CIP2A: variants seen among roughly 807,000 people sequenced by gnomAD.
The protein encoded by CIP2A is protein CIP2A.
CIP2A carries 103 observed loss-of-function variants against 110.9 expected under a neutral mutation model. That is an observed-to-expected ratio of 0.93 (90% CI 0.79 to 1.09). The LOEUF (loss-of-function observed/expected upper bound fraction) is 1.09. Among genes scored for constraint, CIP2A ranks in the 50% least tolerant of loss-of-function variants. CIP2A has a pLI of 0.00. For synonymous variants in CIP2A, 381 were observed against 361.6 expected, an observed-to-expected ratio of 1.05 and a Z score of -0.61; for missense variants, 1,088 against 1,038.4, an observed-to-expected ratio of 1.05 and a Z score of -0.66.
intron 8 of CIP2A, among the ~76,000 whole-genome samples, chr3:108,571,219 A>G (rs1445372954): frequency 3.3e-5 from 5 of 152,168 alleles, no homozygotes; most frequent in Non-Finnish European, 7.4e-5. Flanking sequence ...TATAAGTAGA[A>G]GTACACTCTA....
rs2083891465 is a variant in CIP2A, at chr3:108,551,133, C to T, written c.*16G>A. The T allele has an allele frequency of 8.1e-7, 1 of 1,238,728 alleles. No individual in the cohort carries two copies. Among genetic ancestry groups the T allele is most frequent in the Admixed American group, 2.3e-5 (1 of 42,912 alleles). 76.7% of individuals were successfully genotyped at this position (1,238,728 alleles called of 1,614,324 possible). A position where few individuals can be genotyped will look rare whatever the true frequency, so the allele number is the denominator to read the frequency against. ...AAAAATATCATGAGATTACAAATTCCAAAATGCCATAATGTCTATATACTG... is the reference window on the plus strand; with the variant it reads ...AAAAATATCATGAGATTACAAATTCTAAAATGCCATAATGTCTATATACTG... On this transcript the variant is annotated 3_prime_UTR_variant, in exon 21 of 21. Transcript: ENST00000295746.
rs2083875224 is a variant in CIP2A at position 108,549,972 on chromosome 3, T to C, written c.*1177A>G. ...CAAAAGAGAAACAGAATGTATCTCC[T>C]CTATAGAACAAATAGTAATTTAAAA... On this transcript the variant is annotated 3_prime_UTR_variant, in exon 21 of 21. Transcript: ENST00000295746. 2 of 152,024 alleles carry C rather than the reference T, an allele frequency of 1.3e-5. No homozygotes were observed. The highest frequency in any genetic ancestry group is 1.3e-4 in the Admixed American group (2 of 15,236). The allele number at this position is 152,024 out of a possible 1,614,324, so 9.4% of individuals were successfully genotyped here.
rs1421666177 is a variant in CIP2A at position 108,552,229 on chromosome 3, C to G, written c.2547+5G>C. ...CTGCAAATGAGAAATGGAACAGATT[C>G]TTACCTTAATGCTCAACTCTTTTCT... On this transcript the variant is annotated splice_donor_5th_base_variant and intron_variant, in intron 20 of 20. Coordinates refer to ENST00000295746, the MANE Select transcript of CIP2A (RefSeq NM_020890.3). 1.3e-6 allele frequency: 2 copies of G among 1,553,218 alleles called. No individual in the cohort carries two copies. The highest frequency in any genetic ancestry group is 1.4e-5 in the African/African-American group (1 of 70,758).
chr3:108,576,385 T>C (rs758073255), intron 7 of CIP2A, 39 bp from the exon 8 acceptor site: 42 of 1,032,720 alleles, frequency 4.1e-5, no homozygotes, highest in Non-Finnish European at 5.8e-5. Context: ...ATGATAAATA[T>C]AAAATTGATA....
rs773511777 is a variant in CIP2A, at chr3:108,576,345, A to G, written c.820T>C (p.Tyr274His). The G allele has an allele frequency of 2.7e-6, 4 of 1,504,842 alleles. No individual in the cohort carries two copies. The African/African-American group carries it at 5.7e-5, about 21-fold the overall frequency. The allele number at this position is 1,504,842 out of a possible 1,614,324, so 93.2% of individuals were successfully genotyped here. ...NPKIADYLTRYEHFSSCLHQV... is the reference protein window; with the variant it reads ...NPKIADYLTRHEHFSSCLHQV... ...TGAAGACATGAAGAAAAGTGCTCAT[A>G]TCTAGGTTTAGAATAAAAATATACA... Residue 274 changes from tyrosine to histidine, a missense_variant and splice_region_variant, in exon 8 of 21, where the codon TAT (tyrosine) becomes CAT (histidine). Tyr to His is a moderately conservative substitution (Grantham distance 83). Transcript: ENST00000295746.
Position 108,582,122 on chromosome 3 carries a change from G to A in CIP2A, c.438C>T (p.Phe146=), listed in dbSNP as rs775296412. The A allele has an allele frequency of 3.5e-6, 5 of 1,443,942 alleles. No homozygotes were observed. The Admixed American group carries it at 5.5e-5, about 16-fold the overall frequency. 89.4% of individuals were successfully genotyped at this position (1,443,942 alleles called of 1,614,324 possible). A position where few individuals can be genotyped will look rare whatever the true frequency, so the allele number is the denominator to read the frequency against. ...TGCATACTCACATGTGATCTATCAG[G>A]AACGTAATTAATTCATCTATATTGG... ...SGANIDELIT[F]LIDHIQSSED... is the part of the protein sequence containing the mutation. Residue 146 remains phenylalanine (F), a synonymous_variant, in exon 4 of 21, where the codon TTC becomes TTT. Coordinates refer to ENST00000295746, the MANE Select transcript of CIP2A (RefSeq NM_020890.3).
At chr3:108,569,183 C>T (rs9861364) in intron 9 of CIP2A, among the ~76,000 whole-genome samples, 1,028 of 6,998 alleles carry the variant, frequency 0.15, 6 homozygotes, top group Middle Eastern at 0.29. Context: ...TATATATATA[C>T]ATACACACTA....
rs746629149 is a variant in CIP2A, at chr3:108,589,425, G to A, written c.-50C>T. On this transcript the variant is annotated 5_prime_UTR_variant, in exon 1 of 21. Transcript: ENST00000295746. ...GGACCACCACCGCCCAGCGTGCGCC[G>A]GCCTTTAGCTTTCGCCGCGCTTTTT... The A allele has an allele frequency of 2.4e-5, 33 of 1,364,282 alleles. No individual in the cohort carries two copies. The highest frequency in any genetic ancestry group is 9.9e-5 in the South Asian group (8 of 80,656). 84.5% of individuals were successfully genotyped at this position (1,364,282 alleles called of 1,614,324 possible).
At chr3:108,576,069 G>T (rs1938638563) in intron 8 of CIP2A, among the ~76,000 whole-genome samples, 1 of 151,812 alleles carries the variant, frequency 6.6e-6, no homozygotes, top group Non-Finnish European at 1.5e-5. Flanking sequence ...GGTAGGTACT[G>T]ACTAAAAGGG....
intron 12 of CIP2A, 121 bp from the exon 13 acceptor site, chr3:108,563,365 A>T (rs1296762292): frequency 1.5e-6 from 1 of 680,260 alleles, no homozygotes; most frequent in Non-Finnish European, 2.6e-6. Flanking sequence ...AAATGTTTCT[A>T]ATGTTTGAAT....
intron 8 of CIP2A, among the ~76,000 whole-genome samples, chr3:108,572,317 A>G (rs1486739274): frequency 6.6e-6 from 1 of 151,874 alleles, no homozygotes; most frequent in Non-Finnish European, 1.5e-5. Context: ...AACGTTCCTT[A>G]TTTTTACTCT....
chr3:108,555,648 C>T (rs1475857838), intron 17 of CIP2A, among the ~76,000 whole-genome samples: 1 of 152,162 alleles, frequency 6.6e-6, no homozygotes, highest in East Asian at 1.9e-4. Context: ...CAAAGTCACT[C>T]TCCCTAGCTA....
At chr3:108,576,244 T>A (rs764309929) in intron 8 of CIP2A, 27 bp downstream of exon 8, 3 of 1,434,122 alleles carry the variant, frequency 2.1e-6, no homozygotes, top group Non-Finnish European at 2.8e-6. Flanking sequence ...TTTAAAAGTT[T>A]AAATGAAAAG....
intron 20 of CIP2A, 84 bp from the exon 21 acceptor site, chr3:108,551,403 C>T (rs971765141): frequency 2.0e-6 from 2 of 979,788 alleles, no homozygotes; most frequent in South Asian, 2.5e-5. Context: ...TTTTAAGATG[C>T]TTTTATTTTT....
At chr3:108,582,798 T>C (rs1361877334) in intron 3 of CIP2A, among the ~76,000 whole-genome samples, 179 bp downstream of exon 3, 1 of 152,240 alleles carries the variant, frequency 6.6e-6, no homozygotes, top group Admixed American at 6.5e-5. Flanking sequence ...TAAGCTTCTC[T>C]TCTCTAGAAA....
chr3:108,558,376 C>G (rs911639814), intron 16 of CIP2A, among the ~76,000 whole-genome samples: 4 of 152,064 alleles, frequency 2.6e-5, no homozygotes, highest in African/African-American at 9.7e-5. Flanking sequence ...ATAATTCATT[C>G]ATTATAAATA....
Position 108,557,196 on chromosome 3 carries a change from C to A in CIP2A, c.2210+22G>T, listed in dbSNP as rs199576204. 318 of 1,484,090 alleles carry A rather than the reference C, an allele frequency of 2.1e-4. No individual in the cohort carries two copies. The African/African-American group carries it at 4.2e-3, about 20-fold the overall frequency. The allele number at this position is 1,484,090 out of a possible 1,614,324, so 91.9% of individuals were successfully genotyped here. On this transcript the variant is annotated intron_variant, in intron 17 of 20. Transcript: ENST00000295746. The stretch of plus-strand genomic sequence containing the variant: ...GTTCATTCTAGGTTCTAACCTTACA[C>A]AGAAGATTTTACTTTATTTACCTCT...
At chr3:108,564,177 A>G (rs1021041380) in intron 12 of CIP2A, among the ~76,000 whole-genome samples, 2 of 151,980 alleles carry the variant, frequency 1.3e-5, no homozygotes, top group East Asian at 1.9e-4. Flanking sequence ...AAAACCCTCA[A>G]TGGTAAGCCT....
At chr3:108,570,683 A>T (rs890936437) in intron 8 of CIP2A, among the ~76,000 whole-genome samples, 3 of 152,160 alleles carry the variant, frequency 2.0e-5, no homozygotes, top group Non-Finnish European at 4.4e-5. Context: ...CAAAACATGC[A>T]GGACTGGAAG....
Sources: allele counts gnomAD v4.1 joint callset (sites outside exome capture counted in the v4.1 genomes callset), GRCh38; gene constraint gnomAD v4.1.1; transcripts MANE v1.5; gene names NCBI Gene and HGNC (gene_info 2026-07-23, HGNC 2026-07-21).